P3H2: variants seen among roughly 807,000 people sequenced by gnomAD.
P3H2 encodes leprecan-like 1.
P3H2 carries 80 observed loss-of-function variants against 87.0 expected under a neutral mutation model. That is an observed-to-expected ratio of 0.92 (90% CI 0.77 to 1.11). The LOEUF is 1.11. Among genes scored for constraint, P3H2 ranks in the 50% least tolerant of loss-of-function variants. The pLI, the probability that P3H2 is intolerant of heterozygous loss-of-function variation, is 0.00. For missense variants in P3H2, 1,001 were observed against 923.9 expected (o/e 1.08, Z -1.08); for synonymous variants, 367 against 359.3 (o/e 1.02, Z -0.24).
intron 1 of P3H2, among the ~76,000 whole-genome samples, chr3:190,001,653 A>G (rs1724220333): frequency 6.6e-6 from 1 of 152,226 alleles, no homozygotes; most frequent in Non-Finnish European, 1.5e-5. Context: ...CATAAGCACA[A>G]CAGCTAGAGA....
intron 3 of P3H2, among the ~76,000 whole-genome samples, chr3:189,989,753 C>T (rs1049598129): frequency 1.3e-5 from 2 of 152,030 alleles, no homozygotes; most frequent in Non-Finnish European, 2.9e-5. Context: ...ATCTTATTTC[C>T]TATTTCTCTT....
intron 12 of P3H2, 22 bp from the exon 13 acceptor site, chr3:189,970,913 T>A: frequency 7.8e-7 from 1 of 1,277,416 alleles, no homozygotes; most frequent in Non-Finnish European, 1.1e-6. Context: ...AAGAGAAAAC[T>A]ATTTGTATTA....
At chr3:190,045,861 C>T (rs1725782601) in intron 1 of P3H2, among the ~76,000 whole-genome samples, 2 of 152,068 alleles carry the variant, frequency 1.3e-5, no homozygotes, top group African/African-American at 2.4e-5. Context: ...GTGGCTCACA[C>T]CTGTAATCCC....
chr3:190,101,008 G>A (rs1711605861), intron 1 of P3H2, among the ~76,000 whole-genome samples: 1 of 151,998 alleles, frequency 6.6e-6, no homozygotes, highest in South Asian at 2.1e-4. Context: ...CTGTTACGAT[G>A]ATCTGTGATA....
At chr3:190,070,914 T>G (rs115685430) in intron 1 of P3H2, among the ~76,000 whole-genome samples, 1 of 152,184 alleles carries the variant, frequency 6.6e-6, no homozygotes. Context: ...TCATATTACA[T>G]GTAGGCTGCA....
intron 1 of P3H2, among the ~76,000 whole-genome samples, chr3:190,097,605 A>C (rs531915965): frequency 6.6e-6 from 1 of 151,448 alleles, no homozygotes; most frequent in South Asian, 2.1e-4. Context: ...GTCTTACTTG[A>C]AAACCTAATT....
At position 189,974,588 on chromosome 3, in the gene P3H2, T is replaced by G. The variant is rs781244287; in HGVS notation, c.1422A>C (p.Glu474Asp). 1.9e-6 allele frequency: 3 copies of G among 1,614,106 alleles called. No homozygotes were observed. The highest frequency in any genetic ancestry group is 2.2e-5 in the South Asian group (2 of 91,074). The change falls in exon 9 of 15, where the codon GAA (glutamate) becomes GAC (aspartate). Residue 474 changes from glutamate (E) to aspartate (D), a missense_variant. Transcript: ENST00000319332. ...RVLLDNVLSE[E>D]QCRELHSVAS... The stretch of plus-strand genomic sequence containing the variant: ...CCACGCTGTGGAGCTCCCGGCACTG[T>G]TCTTCCGACAGGACGTTATCCAGGA...
chr3:190,023,047 C>G (rs1433857176), intron 1 of P3H2, among the ~76,000 whole-genome samples: 1 of 151,942 alleles, frequency 6.6e-6, no homozygotes, highest in Non-Finnish European at 1.5e-5. Flanking sequence ...AGGATGGTCT[C>G]GATCTCCTGA....
chr3:189,965,268 G>C (rs1560338400), intron 13 of P3H2, among the ~76,000 whole-genome samples: 2 of 152,146 alleles, frequency 1.3e-5, no homozygotes, highest in East Asian at 3.9e-4. Flanking sequence ...CATAACATAG[G>C]TACTCCCGGA....
intron 1 of P3H2, among the ~76,000 whole-genome samples, chr3:190,009,948 T>G (rs1419521289): frequency 6.6e-6 from 1 of 152,140 alleles, no homozygotes. Context: ...TAAATCTGTG[T>G]GTCTAGGAGC....
intron 1 of P3H2, among the ~76,000 whole-genome samples, chr3:190,114,583 C>T (rs1456630871): frequency 6.6e-6 from 1 of 152,064 alleles, no homozygotes; most frequent in Non-Finnish European, 1.5e-5. Context: ...ATGGGACAAT[C>T]CCAAGGAGGA....
chr3:189,973,185 C>A, intron 10 of P3H2, 161 bp from the exon 11 acceptor site: 1 of 640,988 alleles, frequency 1.6e-6, no homozygotes. Context: ...GACATTGTGC[C>A]ATTGGAATAA....
chr3:189,981,904 G>C (rs529358846), intron 8 of P3H2, among the ~76,000 whole-genome samples: 1 of 152,146 alleles, frequency 6.6e-6, no homozygotes, highest in Non-Finnish European at 1.5e-5. Context: ...CAGATTAGAT[G>C]AGCATATTAT....
At chr3:190,019,564 C>CACCTAGGGGTCATAGGTGACTGCTG (rs1350613662) in intron 1 of P3H2, among the ~76,000 whole-genome samples, 11 of 135,806 alleles carry the variant, frequency 8.1e-5, no homozygotes, top group East Asian at 2.5e-4. Context: ...TGCTCATTAT[C>CACCTAGGGGTCATAGGTGACTGCTG]GTTTCTATTA....
chr3:190,065,571 T>C (rs1271474951), intron 1 of P3H2, among the ~76,000 whole-genome samples: 2 of 152,166 alleles, frequency 1.3e-5, no homozygotes, highest in Non-Finnish European at 2.9e-5. Context: ...ACTGCTCCTA[T>C]AGAATTACTT....
chr3:189,986,818 T>C lies in P3H2; in HGVS notation c.1158A>G (p.Ala386=), dbSNP rs750565226. ...KLESELIKSA[A]EGLGFSYTEP... is the part of the protein sequence containing the mutation. ...CAGTGTATGAAAACCCCAGACCTTCTGCAGCTGATTTTATCAGCTCAGACT... is the reference window on the plus strand; with the variant it reads ...CAGTGTATGAAAACCCCAGACCTTCCGCAGCTGATTTTATCAGCTCAGACT... Residue 386 remains alanine, a synonymous_variant, in exon 6 of 15, where the codon GCA becomes GCG. Coordinates refer to ENST00000319332, the MANE Select transcript of P3H2 (RefSeq NM_018192.4). 6.2e-7 allele frequency: 1 copy of C among 1,612,544 alleles called. No individual in the cohort carries two copies. Among genetic ancestry groups the C allele is most frequent in the African/African-American group, 1.3e-5 (1 of 74,910 alleles).
intron 1 of P3H2, among the ~76,000 whole-genome samples, chr3:190,019,072 G>A (rs889116581): frequency 1.2e-4 from 18 of 152,262 alleles, no homozygotes; most frequent in Non-Finnish European, 2.4e-4. Context: ...AGCCTGCCTT[G>A]AGAAAGCCAA....
chr3:189,967,681 G>A (rs1024268744), intron 13 of P3H2, among the ~76,000 whole-genome samples: 4 of 151,888 alleles, frequency 2.6e-5, no homozygotes, highest in African/African-American at 9.7e-5. Flanking sequence ...GAGTATTAAA[G>A]TACTCCCATA....
At chr3:189,983,179 G>A in intron 7 of P3H2, 39 bp from the exon 8 acceptor site, 6 of 1,441,944 alleles carry the variant, frequency 4.2e-6, no homozygotes, top group Non-Finnish European at 5.9e-6. Context: ...ATTTGTCATT[G>A]AATAACGATG....
Sources: allele counts gnomAD v4.1 joint callset (sites outside exome capture counted in the v4.1 genomes callset), GRCh38; gene constraint gnomAD v4.1.1; transcripts MANE v1.5; gene names NCBI Gene and HGNC (gene_info 2026-07-23, HGNC 2026-07-21).